Variants in SHB observed in about 807,000 individuals in gnomAD.
SHB encodes the protein SH2 domain containing adaptor protein B, also known as SH2 domain-containing adapter protein B.
In SHB, 20 loss-of-function variants were observed where a neutral mutation model predicts 52.3. The ratio of observed to expected loss-of-function variants is 0.38; its 90% CI spans 0.27 to 0.56. The LOEUF (loss-of-function observed/expected upper bound fraction) is 0.56. SHB is among the 20% of genes least tolerant of loss of function. SHB has a pLI of 0.71. For missense variants in SHB, 825 were observed against 723.3 expected, an observed-to-expected ratio of 1.14 and a Z score of -1.61; for synonymous variants, 397 against 316.5, an observed-to-expected ratio of 1.25 and a Z score of -2.70.
chr9:37,982,640 A>G (rs1820748719), intron 2 of SHB, among the ~76,000 whole-genome samples: 1 of 28,278 alleles, frequency 3.5e-5, no homozygotes, highest in African/African-American at 2.4e-4. Context: ...AAAACAGAAG[A>G]AAAAAAAAAT....
intron 2 of SHB, among the ~76,000 whole-genome samples, chr9:38,002,130 T>TA (rs1821021150): frequency 6.6e-6 from 1 of 151,998 alleles, no homozygotes; most frequent in East Asian, 1.9e-4. Flanking sequence ...TTGTCTATCT[T>TA]AAAAAAAGGA....
intron 1 of SHB, among the ~76,000 whole-genome samples, chr9:38,056,784 G>A (rs184751956): frequency 9.8e-5 from 15 of 152,328 alleles, no homozygotes; most frequent in Non-Finnish European, 7.3e-5. Flanking sequence ...CCAAATGGCA[G>A]GTAAGGGGCT....
intron 5 of SHB, among the ~76,000 whole-genome samples, chr9:37,920,757 G>C (rs904357747): frequency 3.9e-5 from 6 of 152,156 alleles, no homozygotes; most frequent in Non-Finnish European, 7.4e-5. Flanking sequence ...CTGAGGACAC[G>C]CATGCCTTCC....
intron 5 of SHB, among the ~76,000 whole-genome samples, chr9:37,932,518 T>C (rs1832324326): frequency 7.3e-6 from 1 of 137,296 alleles, no homozygotes; most frequent in Non-Finnish European, 1.5e-5. Context: ...TTGTACTTCA[T>C]ATGGGATTCA....
intron 1 of SHB, among the ~76,000 whole-genome samples, chr9:38,039,143 G>A (rs1224196284): frequency 6.6e-6 from 1 of 152,210 alleles, no homozygotes. Flanking sequence ...TACATAGCTG[G>A]AATGGTGAAA....
At chr9:37,948,518 C>T in intron 5 of SHB, 117 bp downstream of exon 5, 6 of 1,243,840 alleles carry the variant, frequency 4.8e-6, no homozygotes, top group Non-Finnish European at 5.7e-6. Context: ...CCTAAAATAA[C>T]GTGTGCTGGC....
intron 3 of SHB, among the ~76,000 whole-genome samples, chr9:37,965,576 CTTTT>C (rs71990074): frequency 1.5e-4 from 21 of 141,418 alleles, no homozygotes; most frequent in Admixed American, 4.3e-4. Flanking sequence ...ACTCAAATAT[CTTTT>C]TTTTTTTTTT....
chr9:37,976,891 AAG>A (rs1376806011), intron 2 of SHB, among the ~76,000 whole-genome samples: 1 of 152,208 alleles, frequency 6.6e-6, no homozygotes, highest in Non-Finnish European at 1.5e-5. Flanking sequence ...CCTTCCGAGA[AAG>A]AGAGCTGCTT....
chr9:37,993,203 T>C (rs1427407257), intron 2 of SHB, among the ~76,000 whole-genome samples: 1 of 152,184 alleles, frequency 6.6e-6, no homozygotes, highest in Non-Finnish European at 1.5e-5. Context: ...TGAAGTCTTG[T>C]GACCAAGTGA....
chr9:37,917,970 G>A lies in SHB; in HGVS notation c.*1851C>T, dbSNP rs1832122367. 6.6e-6 allele frequency among the ~76,000 whole-genome samples: 1 copy of A among 152,184 alleles called. No homozygotes were observed. The highest frequency in any genetic ancestry group is 2.4e-5 in the African/African-American group (1 of 41,446). ...TCCACGCAGCTACCTAAAGGGGCAG[G>A]GCTCAGTCCCAGCTCGACACGTGGC... On this transcript the variant is annotated 3_prime_UTR_variant, in exon 6 of 6. Coordinates refer to ENST00000377707, the MANE Select transcript of SHB (RefSeq NM_003028.3).
chr9:38,062,266 T>A (rs1821904211), intron 1 of SHB, among the ~76,000 whole-genome samples: 1 of 152,196 alleles, frequency 6.6e-6, no homozygotes, highest in South Asian at 2.1e-4. Flanking sequence ...TGTGTGACAT[T>A]AGGCAAGTCA....
At chr9:37,977,952 G>A (rs572685931) in intron 2 of SHB, among the ~76,000 whole-genome samples, 127 of 152,270 alleles carry the variant, frequency 8.3e-4, no homozygotes, top group African/African-American at 2.2e-3. Context: ...TGTACTTCCC[G>A]TCGGGCCCCT....
chr9:37,946,943 A>T (rs1832499191), intron 5 of SHB, among the ~76,000 whole-genome samples: 1 of 151,854 alleles, frequency 6.6e-6, no homozygotes, highest in Admixed American at 6.6e-5. Flanking sequence ...TGCTTCCTTT[A>T]CCTCTCACAG....
At chr9:38,017,512 C>T (rs538434717) in intron 1 of SHB, among the ~76,000 whole-genome samples, 7 of 152,314 alleles carry the variant, frequency 4.6e-5, no homozygotes, top group South Asian at 4.1e-4. Context: ...ATGTGATGCC[C>T]GGAAAGGGAC....
intron 3 of SHB, among the ~76,000 whole-genome samples, chr9:37,960,144 G>T (rs1157582623): frequency 5.9e-5 from 9 of 152,132 alleles, no homozygotes; most frequent in Non-Finnish European, 1.5e-5. Context: ...TGAGTGACAG[G>T]CTTAATTAGG....
In SHB at chr9:37,932,273, CAAAAAA is replaced by C. The variant is rs56281324; in HGVS notation, c.1347-12275_1347-12270del. On this transcript the variant is annotated intron_variant, in intron 5 of 5. Transcript: ENST00000377707. ...AGGTAACAAGAGCGAAACTCCATCT[CAAAAAA>C]AAAAAAAAAAAAAAAGAAAAGAAAA... Among the ~76,000 whole-genome samples, 33 of 56,716 alleles carry C rather than the reference CAAAAAA, an allele frequency of 5.8e-4. 1 individual carries two copies. The highest frequency in any genetic ancestry group is 2.3e-3 in the African/African-American group (32 of 14,042). The allele number at this position is 56,716 out of a possible 152,430, so 37.2% of individuals were successfully genotyped here. A position where few individuals can be genotyped will look rare whatever the true frequency, so the allele number is the denominator to read the frequency against.
intron 5 of SHB, among the ~76,000 whole-genome samples, chr9:37,932,945 T>A (rs1194646742): frequency 6.6e-6 from 1 of 152,214 alleles, no homozygotes; most frequent in Non-Finnish European, 1.5e-5. Flanking sequence ...CTGTATGTAT[T>A]CTATAACATC....
chr9:38,023,766 G>A lies in SHB; in HGVS notation c.718-7635C>T, dbSNP rs912759030. On this transcript the variant is annotated intron_variant, in intron 1 of 5. Transcript: ENST00000377707. Reference sequence around the variant, plus strand: ...CTCGAGGCACTTCCGCCTGTGTGCTGGGAGACAGAAGTGTGACTTGCCTAT... The same window carrying A: ...CTCGAGGCACTTCCGCCTGTGTGCTAGGAGACAGAAGTGTGACTTGCCTAT... Among the ~76,000 whole-genome samples the A allele has an allele frequency of 7.2e-5, 11 of 152,306 alleles. No individual in the cohort carries two copies. In the East Asian group the frequency reaches 2.1e-3, roughly 29 times the overall value.
At chr9:38,002,329 G>A (rs964852422) in intron 2 of SHB, among the ~76,000 whole-genome samples, 38 of 152,142 alleles carry the variant, frequency 2.5e-4, no homozygotes, top group Non-Finnish European at 5.4e-4. Flanking sequence ...AAAGCCATAC[G>A]TGTCCTGAAA....
Sources: gnomAD v4.1 joint callset for allele counts (sites outside exome capture counted in the v4.1 genomes callset) on GRCh38, gnomAD v4.1.1 for gene constraint, MANE v1.5 for transcripts, NCBI Gene and HGNC (gene_info 2026-07-23, HGNC 2026-07-21) for gene names.